Variants in RPA3 observed in about 807,000 individuals in gnomAD.
The protein encoded by RPA3 is replication protein A3, also known as replication protein A 14 kDa subunit.
In RPA3, 24 loss-of-function variants were observed where a neutral mutation model predicts 13.7. That is an observed-to-expected ratio of 1.75 (90% CI 1.27 to 2.46). The LOEUF (loss-of-function observed/expected upper bound fraction) is 2.46. Among genes scored for constraint, RPA3 ranks in the 30% most tolerant of loss-of-function variants. The probability of loss-of-function intolerance (pLI) is 0.00; values close to 1 mark genes in which losing one functional copy is unlikely to be tolerated. For synonymous variants in RPA3, 59 were observed against 51.2 expected (o/e 1.15, Z -0.65); for missense variants, 183 against 151.0 (o/e 1.21, Z -1.11).
In RPA3 at chr7:7,640,471, T is replaced by A; in HGVS notation, c.-53A>T. The A allele has an allele frequency of 6.5e-7, 1 of 1,538,376 alleles. No homozygotes were observed. The highest frequency in any genetic ancestry group is 8.8e-7 in the Non-Finnish European group (1 of 1,131,200). On this transcript the variant is annotated 5_prime_UTR_variant, in exon 5 of 8. Transcript: ENST00000223129. ...GGAAACCCACGGACGACTGAAACTG[T>A]GCGCCCCGCGGGTGTCTATGGGGCA... is the stretch of plus-strand genomic sequence containing the variant.
At chr7:7,662,994 G>A (rs867550926) in intron 4 of RPA3, among the ~76,000 whole-genome samples, 31 of 130,180 alleles carry the variant, frequency 2.4e-4, no homozygotes, top group South Asian at 7.7e-4. Flanking sequence ...TTAAAGAAGT[G>A]TGTGAGTGCT....
At chr7:7,647,250 A>G (rs1356194879) in intron 4 of RPA3, among the ~76,000 whole-genome samples, 1 of 152,172 alleles carries the variant, frequency 6.6e-6, no homozygotes, top group Non-Finnish European at 1.5e-5. Flanking sequence ...TGACCCATGC[A>G]TTATTTTTGT....
chr7:7,709,606 T>A (rs1287526914), intron 2 of RPA3, among the ~76,000 whole-genome samples: 1 of 152,232 alleles, frequency 6.6e-6, no homozygotes, highest in Non-Finnish European at 1.5e-5. Flanking sequence ...AAGTCACCTG[T>A]TTGCTCAGAA....
chr7:7,692,183 C>G (rs1176093973), intron 2 of RPA3, among the ~76,000 whole-genome samples: 1 of 152,084 alleles, frequency 6.6e-6, no homozygotes, highest in Non-Finnish European at 1.5e-5. Flanking sequence ...TGGAAAGCAG[C>G]TAGTCAGCAG....
chr7:7,654,006 T>A (rs1003626714), intron 4 of RPA3, among the ~76,000 whole-genome samples: 1 of 152,166 alleles, frequency 6.6e-6, no homozygotes, highest in Non-Finnish European at 1.5e-5. Context: ...ATTAGTAGAT[T>A]GAGGGGAGAC....
intron 4 of RPA3, among the ~76,000 whole-genome samples, chr7:7,667,664 A>G (rs1378391571): frequency 1.3e-5 from 2 of 152,250 alleles, no homozygotes; most frequent in Non-Finnish European, 2.9e-5. Flanking sequence ...ATGTCTTCAC[A>G]GCATAGAGCT....
Position 7,640,813 on chromosome 7 carries a change from C to T in RPA3, c.-395G>A, listed in dbSNP as rs371857447. The T allele has an allele frequency of 8.6e-4, 178 of 206,864 alleles. 3 individuals are homozygous for T. In the South Asian group the frequency reaches 0.01, roughly 12 times the overall value. The allele number at this position is 206,864 out of a possible 1,614,324, so 12.8% of individuals were successfully genotyped here. A position where few individuals can be genotyped will look rare whatever the true frequency, so the allele number is the denominator to read the frequency against. ...CTGGTGCGGCGGGGGACTGCGGGGC[C>T]AGCCTCAGGTACCTCGTCTCGCGGG... On this transcript the variant is annotated 5_prime_UTR_variant, in exon 5 of 8. Transcript: ENST00000223129.
rs1421825968 is a variant in RPA3, at chr7:7,637,846, C to T, written c.283+18G>A. On this transcript the variant is annotated intron_variant, in intron 7 of 7. Transcript: ENST00000223129. ...TGTAATTACATAAAACCAGTCAATA[C>T]TAGAATGCTTTATTTACCAAAAGGA... 6.4e-7 allele frequency: 1 copy of T among 1,567,880 alleles called. No individual in the cohort carries two copies. The highest frequency in any genetic ancestry group is 1.7e-5 in the Admixed American group (1 of 59,518).
chr7:7,714,005 G>A (rs1780830176), intron 2 of RPA3, among the ~76,000 whole-genome samples: 1 of 151,990 alleles, frequency 6.6e-6, no homozygotes, highest in South Asian at 2.1e-4. Flanking sequence ...TGCCCCACAC[G>A]TTTTTCATCG....
chr7:7,677,425 G>T, intron 4 of RPA3, among the ~76,000 whole-genome samples: 1 of 150,612 alleles, frequency 6.6e-6, no homozygotes, highest in African/African-American at 2.4e-5. Context: ...CTTGCCTTTG[G>T]TAACCATCAT....
At chr7:7,680,463 C>T (rs945802998) in intron 4 of RPA3, among the ~76,000 whole-genome samples, 2 of 152,074 alleles carry the variant, frequency 1.3e-5, no homozygotes, top group African/African-American at 4.8e-5. Flanking sequence ...AATTTGAAGT[C>T]AGGTAGTGTG....
At chr7:7,666,486 A>C (rs987074320) in intron 4 of RPA3, among the ~76,000 whole-genome samples, 2 of 151,932 alleles carry the variant, frequency 1.3e-5, no homozygotes, top group Non-Finnish European at 2.9e-5. Flanking sequence ...GGAATTACAG[A>C]TGTGAGCCCC....
chr7:7,694,663 T>C (rs1583745505), intron 2 of RPA3, among the ~76,000 whole-genome samples: 1 of 152,294 alleles, frequency 6.6e-6, no homozygotes, highest in South Asian at 2.1e-4. Context: ...GCCTGACTTA[T>C]TTCACTTAAC....
chr7:7,637,015 A>G lies in RPA3; in HGVS notation c.351T>C (p.Ile117=). ...HDFPQFYPLG[I]VQHD ...TCCATCAAGATCAATCATGTTGCAC[A>G]ATCCCTAAAGGATAAAACTGAGGGA... The change falls in exon 8 of 8, where the codon ATT becomes ATC. Residue 117 remains isoleucine, a synonymous_variant. Transcript: ENST00000223129. 6.2e-7 allele frequency: 1 copy of G among 1,610,532 alleles called. No individual in the cohort carries two copies. Among genetic ancestry groups the G allele is most frequent in the Non-Finnish European group, 8.5e-7 (1 of 1,177,292 alleles).
intron 1 of RPA3, 51 bp from the exon 2 acceptor site, chr7:7,715,277 G>T (rs2115175343): frequency 6.6e-6 from 1 of 152,264 alleles, no homozygotes; most frequent in Non-Finnish European, 1.5e-5. Context: ...GTTTTCACCA[G>T]ATTTATGAAT....
At chr7:7,715,256 A>C (rs1250963035) in intron 1 of RPA3, 30 bp from the exon 2 acceptor site, 1 of 152,226 alleles carries the variant, frequency 6.6e-6, no homozygotes, top group Non-Finnish European at 1.5e-5. Flanking sequence ...AAGTAGGATA[A>C]GAACTGAAAA....
chr7:7,638,166 T>C, intron 6 of RPA3, 194 bp from the exon 7 acceptor site: 1 of 464,774 alleles, frequency 2.2e-6, no homozygotes, highest in Non-Finnish European at 3.9e-6. Context: ...TTAAAATTCC[T>C]GCTACCTTTA....
chr7:7,644,147 T>C (rs1217467175), intron 4 of RPA3, among the ~76,000 whole-genome samples: 6 of 152,220 alleles, frequency 3.9e-5, no homozygotes, highest in Admixed American at 2.6e-4. Context: ...GAAGTGTTTT[T>C]TTGTCGTGAC....
At chr7:7,650,209 C>T (rs1285152101) in intron 4 of RPA3, among the ~76,000 whole-genome samples, 4 of 152,148 alleles carry the variant, frequency 2.6e-5, no homozygotes, top group African/African-American at 9.7e-5. Context: ...AATTTACGTT[C>T]TTGTAACTCT....
Sources: gnomAD v4.1 joint callset for allele counts (sites outside exome capture counted in the v4.1 genomes callset) on GRCh38, gnomAD v4.1.1 for gene constraint, MANE v1.5 for transcripts, NCBI Gene and HGNC (gene_info 2026-07-23, HGNC 2026-07-21) for gene names.